The following VPS13C variants were observed in gnomAD, a reference collection of about 807,000 sequenced individuals.
VPS13C encodes the protein intermembrane lipid transfer protein VPS13C.
Under a neutral mutation model 456.8 loss-of-function variants are expected in VPS13C, and 358 were observed. That is an observed-to-expected ratio of 0.78 (90% CI 0.72 to 0.86). The LOEUF is 0.86. Among genes scored for constraint, VPS13C ranks in the 40% least tolerant of loss-of-function variants. The probability of loss-of-function intolerance (pLI) is 0.00; values close to 1 mark genes in which losing one functional copy is unlikely to be tolerated. For missense variants in VPS13C, 4,818 were observed against 4,385.4 expected (o/e 1.10, Z -2.79); for synonymous variants, 1,578 against 1,486.7 (o/e 1.06, Z -1.41).
intron 6 of VPS13C, among the ~76,000 whole-genome samples, chr15:62,027,230 T>A (rs1326565151): frequency 6.6e-6 from 1 of 152,022 alleles, no homozygotes; most frequent in African/African-American, 2.4e-5. Flanking sequence ...TTTTTTTATC[T>A]ACGTTAATAT....
intron 1 of VPS13C, among the ~76,000 whole-genome samples, chr15:62,049,439 C>T (rs577977551): frequency 1.3e-5 from 2 of 152,246 alleles, no homozygotes; most frequent in East Asian, 1.9e-4. Flanking sequence ...TTTCTGAGGG[C>T]TCTGTTCTGT....
At chr15:61,909,232 C>A in intron 64 of VPS13C, 107 bp from the exon 65 acceptor site, 1 of 1,398,406 alleles carries the variant, frequency 7.2e-7, no homozygotes, top group Non-Finnish European at 9.7e-7. Context: ...TTTTTCGAGA[C>A]AGAGTCTTGC....
Position 61,982,568 on chromosome 15 carries a change from A to G in VPS13C, c.1920T>C (p.Thr640=), listed in dbSNP as rs1265646236. ...QPVEVIYDAK[T]VNAVVEFFQS... is the part of the protein sequence containing the mutation. ...GAAAGAATTCAACCACTGCATTGAC[A>G]GTTTTCTATAAGAAAATTTTTTTAA... Residue 640 remains threonine (T), a synonymous_variant, in exon 21 of 85, where the codon ACT becomes ACC. Transcript: ENST00000644861. 2 of 1,596,618 alleles carry G rather than the reference A, an allele frequency of 1.3e-6. No homozygotes were observed. Among genetic ancestry groups the G allele is most frequent in the Middle Eastern group, 1.7e-4 (1 of 5,982 alleles).
At chr15:62,036,680 G>A (rs997119421) in intron 3 of VPS13C, among the ~76,000 whole-genome samples, 8 of 151,904 alleles carry the variant, frequency 5.3e-5, no homozygotes, top group Admixed American at 2.6e-4. Context: ...AGTGGGAAAC[G>A]TCCCTTTAAC....
rs2045091736 is a variant in VPS13C at position 61,958,688 on chromosome 15, A to T, written c.4085T>A (p.Leu1362His). ...ATTTTCTGTTAGTATCCTAAATAAA[A>T]GATTAAGATCTTCTTGATTTAGACT... is the stretch of plus-strand genomic sequence containing the variant. ...NVSLNQEDLN[L>H]LFRILTENLC... The change falls in exon 37 of 85, where the codon CTT becomes CAT. Residue 1362 changes from leucine (L) to histidine (H), a missense_variant. Transcript: ENST00000644861. The T allele has an allele frequency of 1.9e-6, 3 of 1,560,308 alleles. No homozygotes were observed. Among genetic ancestry groups the T allele is most frequent in the Non-Finnish European group, 2.6e-6 (3 of 1,157,168 alleles).
rs116895072 is a variant in VPS13C at position 61,925,915 on chromosome 15, G to A, written c.6517-367C>T. ...AAAGTGAGCTAAAGACTGTGGTAAG[G>A]TAGGTAAGTAAACAGTTTCCCGATG... On this transcript the variant is annotated intron_variant, in intron 52 of 84. Coordinates refer to ENST00000644861, the MANE Select transcript of VPS13C (RefSeq NM_020821.3). Among the ~76,000 whole-genome samples, 617 of 152,306 alleles carry A rather than the reference G, an allele frequency of 4.1e-3. 3 individuals carry two copies. The highest frequency in any genetic ancestry group is 7.3e-3 in the Non-Finnish European group (498 of 68,016).
At chr15:61,976,967 T>A (rs986104696) in intron 24 of VPS13C, 115 bp downstream of exon 24, 7 of 657,966 alleles carry the variant, frequency 1.1e-5, no homozygotes, top group Non-Finnish European at 1.8e-5. Flanking sequence ...CAAATTGGAA[T>A]AATCATTTTT....
Position 61,909,094 on chromosome 15 carries a change from G to C in VPS13C, c.8876C>G (p.Ala2959Gly). 6.2e-7 allele frequency: 1 copy of C among 1,613,478 alleles called. No individual in the cohort carries two copies. The highest frequency in any genetic ancestry group is 8.5e-7 in the Non-Finnish European group (1 of 1,179,896). Residue 2959 changes from alanine to glycine, a missense_variant, in exon 65 of 85, where the codon GCC becomes GGC. Ala to Gly is a moderately conservative substitution (Grantham distance 60). Coordinates refer to ENST00000644861, the MANE Select transcript of VPS13C (RefSeq NM_020821.3). ...NGGILVDVNT[A>G]EHSTVITFSD... ...AAAAGTTATGACAGTTGAATGTTCG[G>C]CAGTGTTTACATCCACCAAGATACC...
intron 9 of VPS13C, among the ~76,000 whole-genome samples, chr15:62,017,934 C>T (rs1737295576): frequency 2.0e-5 from 3 of 152,144 alleles, no homozygotes; most frequent in Admixed American, 2.0e-4. Flanking sequence ...AATGTTCTTC[C>T]ATTTGTTTGT....
intron 3 of VPS13C, among the ~76,000 whole-genome samples, chr15:62,035,343 A>T (rs1175475982): frequency 1.3e-5 from 2 of 151,976 alleles, no homozygotes; most frequent in African/African-American, 4.8e-5. Context: ...TATTATTTCA[A>T]TCCTGAAAAA....
Position 61,878,589 on chromosome 15 carries a change from C to T in VPS13C, c.10142+18G>A, listed in dbSNP as rs1204152885. The T allele has an allele frequency of 2.4e-5, 38 of 1,604,798 alleles. No homozygotes were observed. Among genetic ancestry groups the T allele is most frequent in the Non-Finnish European group, 2.9e-5 (34 of 1,177,020 alleles). Reference sequence around the variant, plus strand: ...CTTGGTACACCTGCTTCTCAATGTACTCTAACAGAAGTCTTACTTGAATAT... The same window carrying T: ...CTTGGTACACCTGCTTCTCAATGTATTCTAACAGAAGTCTTACTTGAATAT... On this transcript the variant is annotated intron_variant, in intron 74 of 84. Coordinates refer to ENST00000644861, the MANE Select transcript of VPS13C (RefSeq NM_020821.3).
chr15:61,936,642 T>C lies in VPS13C; in HGVS notation c.5710A>G (p.Arg1904Gly). 6.3e-7 allele frequency: 1 copy of C among 1,598,054 alleles called. No individual in the cohort carries two copies. Among genetic ancestry groups the C allele is most frequent in the Non-Finnish European group, 8.5e-7 (1 of 1,174,916 alleles). Residue 1904 changes from arginine (R) to glycine (G), a missense_variant, in exon 48 of 85, where the codon AGA becomes GGA. Coordinates refer to ENST00000644861, the MANE Select transcript of VPS13C (RefSeq NM_020821.3). Reference protein sequence around the residue: ...SPTQSVQETVRVRKVDVSSVP... With the variant: ...SPTQSVQETVGVRKVDVSSVP... ...CTTGAAACATCAACTTTTCTCACTC[T>C]TACAGTCTCCTGCACAGACTGTGTA...
At chr15:61,973,937 T>C (rs2045629550) in intron 25 of VPS13C, among the ~76,000 whole-genome samples, 1 of 152,098 alleles carries the variant, frequency 6.6e-6, no homozygotes, top group African/African-American at 2.4e-5. Flanking sequence ...GTGTAAAGCC[T>C]TGGCACATGG....
intron 37 of VPS13C, among the ~76,000 whole-genome samples, chr15:61,957,654 C>A (rs62007767): frequency 3.3e-5 from 5 of 151,910 alleles, no homozygotes; most frequent in Admixed American, 2.6e-4. Flanking sequence ...ATTAGTCTAT[C>A]GAAATTATTT....
intron 1 of VPS13C, among the ~76,000 whole-genome samples, chr15:62,046,273 T>C (rs754836318): frequency 6.4e-4 from 97 of 152,102 alleles, no homozygotes; most frequent in Non-Finnish European, 1.1e-3. Context: ...CGTAGAGTCA[T>C]AGTAAAGAGT....
rs141923053 is a variant in VPS13C at position 62,019,444 on chromosome 15, C to G, written c.684+1035G>C. The stretch of plus-strand genomic sequence containing the variant: ...GGCATTTAGTGCTGCAAATTTCCCT[C>G]TACACACTGCTTTTAATGTGTCCCA... On this transcript the variant is annotated intron_variant, in intron 9 of 84. Coordinates refer to ENST00000644861, the MANE Select transcript of VPS13C (RefSeq NM_020821.3). Among the ~76,000 whole-genome samples the G allele has an allele frequency of 3.5e-4, 53 of 152,218 alleles. No individual in the cohort carries two copies. In the East Asian group the frequency reaches 0.01, roughly 29 times the overall value.
rs551940017 is a variant in VPS13C at position 61,913,937 on chromosome 15, A to G, written c.8446-522T>C. On this transcript the variant is annotated intron_variant, in intron 61 of 84. Coordinates refer to ENST00000644861, the MANE Select transcript of VPS13C (RefSeq NM_020821.3). ...TACATACGAAAAATTATGATACAAG[A>G]CTCAATGGGATAAGAACCATACAAG... is the stretch of plus-strand genomic sequence containing the variant. 1.2e-4 allele frequency among the ~76,000 whole-genome samples: 19 copies of G among 152,204 alleles called. No homozygotes were observed. In the South Asian group the frequency reaches 3.9e-3, roughly 32 times the overall value.
At chr15:61,991,914 C>T (rs1365980328) in intron 16 of VPS13C, 112 bp from the exon 17 acceptor site, 19 of 1,138,916 alleles carry the variant, frequency 1.7e-5, no homozygotes, top group Non-Finnish European at 2.1e-5. Context: ...CGCTACGTAA[C>T]ATTGCACCAG....
chr15:61,900,923 T>C (rs2042978239), intron 66 of VPS13C, among the ~76,000 whole-genome samples: 2 of 151,766 alleles, frequency 1.3e-5, no homozygotes, highest in South Asian at 4.2e-4. Context: ...TAAAGATCAA[T>C]GGAACAGAAC....
Sources: gnomAD v4.1 joint callset for allele counts (sites outside exome capture counted in the v4.1 genomes callset) on GRCh38, gnomAD v4.1.1 for gene constraint, MANE v1.5 for transcripts, NCBI Gene and HGNC (gene_info 2026-07-23, HGNC 2026-07-21) for gene names.